The following ERC2 variants were observed in gnomAD, a reference collection of about 807,000 sequenced individuals.
ERC2 encodes ELKS/RAB6-interacting/CAST family member 2, also known as ERC protein 2.
ERC2 carries 42 observed loss-of-function variants against 114.8 expected under a neutral mutation model. That is an observed-to-expected ratio of 0.37 (90% CI 0.29 to 0.47). The LOEUF is 0.47. ERC2 is among the 20% of genes least tolerant of loss of function. The probability of loss-of-function intolerance (pLI) is 0.99; values close to 1 mark genes in which losing one functional copy is unlikely to be tolerated. For missense variants in ERC2, 939 were observed against 1,150.7 expected, an observed-to-expected ratio of 0.82 and a Z score of 2.66; for synonymous variants, 454 against 425.5, an observed-to-expected ratio of 1.07 and a Z score of -0.82.
chr3:56,113,617 T>C (rs1190234893), intron 6 of ERC2, among the ~76,000 whole-genome samples: 1 of 152,188 alleles, frequency 6.6e-6, no homozygotes, highest in African/African-American at 2.4e-5. Context: ...ATGAAGCAAG[T>C]CTCCAATTCT....
chr3:55,777,997 A>T (rs896477911), intron 14 of ERC2, among the ~76,000 whole-genome samples: 6 of 152,228 alleles, frequency 3.9e-5, no homozygotes, highest in Admixed American at 2.0e-4. Context: ...GCTTCATATC[A>T]GATTAGGTAA....
intron 3 of ERC2, among the ~76,000 whole-genome samples, chr3:56,261,913 T>C (rs2052959514): frequency 6.6e-6 from 1 of 152,188 alleles, no homozygotes; most frequent in Non-Finnish European, 1.5e-5. Flanking sequence ...CCTCTATGTG[T>C]CCATGTGTTC....
intron 14 of ERC2, among the ~76,000 whole-genome samples, chr3:55,857,725 A>C (rs1257892087): frequency 6.6e-6 from 1 of 152,190 alleles, no homozygotes; most frequent in African/African-American, 2.4e-5. Flanking sequence ...CCTTGGAGAG[A>C]GAGAAAGCTG....
At chr3:55,756,940 C>A (rs2067099441) in intron 14 of ERC2, among the ~76,000 whole-genome samples, 1 of 151,976 alleles carries the variant, frequency 6.6e-6, no homozygotes, top group African/African-American at 2.4e-5. Context: ...AAAAGTATAC[C>A]CAAATCCACG....
intron 15 of ERC2, among the ~76,000 whole-genome samples, chr3:55,733,302 G>A (rs534393824): frequency 6.6e-6 from 1 of 152,206 alleles, no homozygotes; most frequent in East Asian, 1.9e-4. Context: ...TGAGGCCAGC[G>A]TTAGCAAGGC....
At position 55,699,446 on chromosome 3, in the gene ERC2, G is replaced by A; in HGVS notation, c.2779C>T (p.His927Tyr). 1 of 1,613,836 alleles carries A rather than the reference G, an allele frequency of 6.2e-7. No individual in the cohort carries two copies. The highest frequency in any genetic ancestry group is 8.5e-7 in the Non-Finnish European group (1 of 1,179,806). The change falls in exon 16 of 18, where the codon CAC (histidine) becomes TAC (tyrosine). Residue 927 changes from histidine (H) to tyrosine (Y), a missense_variant. Coordinates refer to ENST00000288221, the MANE Select transcript of ERC2 (RefSeq NM_015576.3). ...GGAGATCGATGGTGGTGGTGATGGT[G>A]GTGGTGGTGGTAATGGTGATGGTCA... ...DDDHHHYHHH[H>Y]HHHHHRSPGR...
chr3:56,159,944 A>G (rs1367582999), intron 4 of ERC2, among the ~76,000 whole-genome samples: 1 of 152,134 alleles, frequency 6.6e-6, no homozygotes, highest in African/African-American at 2.4e-5. Flanking sequence ...TGTCTTTGCT[A>G]TGGTGAATAC....
intron 2 of ERC2, among the ~76,000 whole-genome samples, chr3:56,380,226 T>C (rs2059697452): frequency 6.6e-6 from 1 of 152,174 alleles, no homozygotes; most frequent in Non-Finnish European, 1.5e-5. Context: ...GATTGCTTTA[T>C]AGATCAGAAA....
At chr3:55,560,908 A>G (rs2107476982) in intron 17 of ERC2, among the ~76,000 whole-genome samples, 1 of 152,322 alleles carries the variant, frequency 6.6e-6, no homozygotes, top group Middle Eastern at 3.4e-3. Context: ...GTCTTGGCAG[A>G]TTATTGGCCC....
rs539540086 is a variant in ERC2, at chr3:56,299,106, G to GT, written c.658-2672dup. On this transcript the variant is annotated intron_variant, in intron 2 of 17. Coordinates refer to ENST00000288221, the MANE Select transcript of ERC2 (RefSeq NM_015576.3). ...CTAGATAGGTAGATAGTTTTTTTTT[G>GT]TTTTTTTTTTTTGTTTTTTTTTTTG... is the stretch of plus-strand genomic sequence containing the variant. Among the ~76,000 whole-genome samples, 1,113 of 123,140 alleles carry GT rather than the reference G, an allele frequency of 9.0e-3. 8 individuals carry two copies. Among genetic ancestry groups the GT allele is most frequent in the African/African-American group, 0.021 (644 of 30,294 alleles). The allele number at this position is 123,140 out of a possible 152,430, so 80.8% of individuals were successfully genotyped here.
intron 17 of ERC2, among the ~76,000 whole-genome samples, chr3:55,529,275 A>T (rs1390743683): frequency 1.3e-5 from 2 of 152,218 alleles, no homozygotes; most frequent in African/African-American, 4.8e-5. Flanking sequence ...TGAACCCAAG[A>T]CATCCCTGCA....
At chr3:55,895,237 TG>T (rs1157259853) in intron 13 of ERC2, among the ~76,000 whole-genome samples, 4 of 152,182 alleles carry the variant, frequency 2.6e-5, no homozygotes, top group African/African-American at 9.7e-5. Flanking sequence ...CTTTTAAAAA[TG>T]TTGATGCCGT....
chr3:55,788,228 C>G (rs1048488546), intron 14 of ERC2, among the ~76,000 whole-genome samples: 1 of 152,180 alleles, frequency 6.6e-6, no homozygotes, highest in African/African-American at 2.4e-5. Flanking sequence ...GGATGTAGAT[C>G]TACATGTCTG....
intron 2 of ERC2, among the ~76,000 whole-genome samples, chr3:56,393,108 C>A (rs574287171): frequency 6.6e-6 from 1 of 152,160 alleles, no homozygotes; most frequent in African/African-American, 2.4e-5. Context: ...AGCTAAAATG[C>A]CATTCCTGGC....
intron 6 of ERC2, among the ~76,000 whole-genome samples, chr3:56,126,585 C>T (rs2079876576): frequency 6.6e-6 from 1 of 151,984 alleles, no homozygotes; most frequent in African/African-American, 2.4e-5. Flanking sequence ...AGCAAGACCT[C>T]ATTTCTACAG....
chr3:56,068,986 A>G (rs1407014941), intron 7 of ERC2, among the ~76,000 whole-genome samples: 1 of 152,224 alleles, frequency 6.6e-6, no homozygotes, highest in Non-Finnish European at 1.5e-5. Flanking sequence ...AGTAAGTGCC[A>G]TGTGGCACTG....
intron 12 of ERC2, among the ~76,000 whole-genome samples, chr3:55,981,098 C>T (rs1219943196): frequency 2.6e-5 from 4 of 152,218 alleles, no homozygotes; most frequent in Non-Finnish European, 4.4e-5. Context: ...AAGGTGTAAG[C>T]ACCAATCCCT....
rs2081278333 is a variant in ERC2, at chr3:56,148,844, TC to T, written c.1305+132del. 1.2e-5 allele frequency: 9 copies of T among 774,734 alleles called. No individual in the cohort carries two copies. The East Asian group carries it at 2.4e-4, about 21-fold the overall frequency. 48.0% of individuals were successfully genotyped at this position (774,734 alleles called of 1,614,324 possible). A position where few individuals can be genotyped will look rare whatever the true frequency, so the allele number is the denominator to read the frequency against. On this transcript the variant is annotated intron_variant, in intron 5 of 17. Transcript: ENST00000288221. ...TGTCTGAACTAAAAATCTTCCGCAT[TC>T]TACTTTGTTGTCCATATATTAAATA...
intron 17 of ERC2, among the ~76,000 whole-genome samples, chr3:55,549,367 G>A (rs1304985266): frequency 6.6e-6 from 1 of 152,004 alleles, no homozygotes; most frequent in Non-Finnish European, 1.5e-5. Context: ...CACCACTGGG[G>A]ACCCTGAGGC....
Sources: gnomAD v4.1 joint callset for allele counts (sites outside exome capture counted in the v4.1 genomes callset) on GRCh38, gnomAD v4.1.1 for gene constraint, MANE v1.5 for transcripts, NCBI Gene and HGNC (gene_info 2026-07-23, HGNC 2026-07-21) for gene names.